Variants in WDR11 observed in about 807,000 individuals in gnomAD.
WDR11 encodes WD repeat domain 11.
WDR11 carries 83 observed loss-of-function variants against 151.2 expected under a neutral mutation model. The observed-to-expected ratio is 0.55, with a 90% CI of 0.46 to 0.66. WDR11 has a LOEUF of 0.66. WDR11 is among the 30% of genes least tolerant of loss of function. WDR11 has a pLI of 0.00. For missense variants in WDR11, 1,301 were observed against 1,480.9 expected, an observed-to-expected ratio of 0.88 and a Z score of 1.99; for synonymous variants, 484 against 533.1, an observed-to-expected ratio of 0.91 and a Z score of 1.27.
chr10:120,905,138 G>A (rs1362032085), intron 25 of WDR11, among the ~76,000 whole-genome samples, 181 bp from the exon 26 acceptor site: 2 of 152,002 alleles, frequency 1.3e-5, no homozygotes, highest in Admixed American at 6.5e-5. Flanking sequence ...TTCCTACCCT[G>A]GTTACTTGAG....
chr10:120,895,347 A>C (rs1240317869), intron 19 of WDR11, among the ~76,000 whole-genome samples: 3 of 152,232 alleles, frequency 2.0e-5, no homozygotes, highest in South Asian at 2.1e-4. Context: ...ATTGTCGTCT[A>C]TGAAGGATGA....
chr10:120,856,800 T>C (rs1845963949), intron 2 of WDR11, among the ~76,000 whole-genome samples: 1 of 152,038 alleles, frequency 6.6e-6, no homozygotes, highest in African/African-American at 2.4e-5. Flanking sequence ...TATATACACA[T>C]ATACAAACAT....
chr10:120,881,129 A>T (rs568754908), intron 13 of WDR11, among the ~76,000 whole-genome samples: 1 of 152,276 alleles, frequency 6.6e-6, no homozygotes, highest in African/African-American at 2.4e-5. Flanking sequence ...ATGAATCGTT[A>T]TTTACTTTCG....
chr10:120,860,307 A>G, intron 4 of WDR11, 25 bp downstream of exon 4: 1 of 1,609,258 alleles, frequency 6.2e-7, no homozygotes, highest in Non-Finnish European at 8.5e-7. Context: ...CTTGTGGAAA[A>G]TGAGTTAAGT....
At chr10:120,878,510 C>T (rs1846884160) in intron 12 of WDR11, 51 bp downstream of exon 12, 1 of 1,434,322 alleles carries the variant, frequency 7.0e-7, no homozygotes, top group Non-Finnish European at 9.8e-7. Context: ...AAACATGTTG[C>T]CATTTATAAA....
chr10:120,852,275 C>G (rs563674675), intron 1 of WDR11: 1 of 448,628 alleles, frequency 2.2e-6, no homozygotes, highest in Non-Finnish European at 4.1e-6. Flanking sequence ...CTTTTTATGT[C>G]CTCGGGTCTC....
chr10:120,863,000 A>C (rs1246116423), intron 5 of WDR11, 79 bp downstream of exon 5: 1 of 943,960 alleles, frequency 1.1e-6, no homozygotes, highest in African/African-American at 1.7e-5. Context: ...ACAAAGACTG[A>C]TGTTTTTCTT....
At chr10:120,902,911 C>T (rs1038794801) in intron 22 of WDR11, 144 bp from the exon 23 acceptor site, 34 of 849,986 alleles carry the variant, frequency 4.0e-5, no homozygotes, top group Non-Finnish European at 6.0e-5. Flanking sequence ...AACTTGCTGC[C>T]TCCCCCTTTC....
Position 120,905,920 on chromosome 10 carries a change from G to C in WDR11, c.3336G>C (p.Trp1112Cys). ...PEECADVLRR[W>C]VDHLCSPQVN... ...AGTGTGCCGATGTTTTAAGGCGGTG[G>C]GTTGACCACCTTTGTTCTCCACAAG... Residue 1112 changes from tryptophan (W) to cysteine (C), a missense_variant, in exon 27 of 29, where the codon TGG becomes TGC. This residue lies in a region of WDR11 where 589 missense variants were observed against 670.6 expected (regional missense o/e 0.88). Transcript: ENST00000263461. The C allele has an allele frequency of 6.2e-7, 1 of 1,614,020 alleles. No homozygotes were observed. The highest frequency in any genetic ancestry group is 8.5e-7 in the Non-Finnish European group (1 of 1,180,016).
chr10:120,889,048 T>G (rs775785113), intron 16 of WDR11, 30 bp from the exon 17 acceptor site: 54 of 1,479,142 alleles, frequency 3.7e-5, no homozygotes, highest in Non-Finnish European at 2.2e-5. Flanking sequence ...ATAGTGAAAT[T>G]TATATTTGTT....
In WDR11 at chr10:120,876,193, C is replaced by T. The variant is rs562012212; in HGVS notation, c.1557-2160C>T. Among the ~76,000 whole-genome samples, 206 of 151,418 alleles carry T rather than the reference C, an allele frequency of 1.4e-3. 1 individual carries two copies. The highest frequency in any genetic ancestry group is 2.3e-3 in the African/African-American group (93 of 41,330). The stretch of plus-strand genomic sequence containing the variant: ...CAAGATTTCACCATGTTGGTCAGGC[C>T]GGTCTTGAATTCCTGACCTCAGATG... On this transcript the variant is annotated intron_variant, in intron 11 of 28. Transcript: ENST00000263461.
At chr10:120,881,646 T>G (rs1018117864) in intron 13 of WDR11, among the ~76,000 whole-genome samples, 5 of 152,176 alleles carry the variant, frequency 3.3e-5, no homozygotes, top group Admixed American at 6.5e-5. Context: ...AAATGACATT[T>G]TTAAATTTCA....
At chr10:120,864,511 C>T (rs1221656768) in intron 5 of WDR11, among the ~76,000 whole-genome samples, 1 of 152,012 alleles carries the variant, frequency 6.6e-6, no homozygotes, top group African/African-American at 2.4e-5. Context: ...GAAAATGCTG[C>T]AATATAAGTG....
intron 7 of WDR11, among the ~76,000 whole-genome samples, chr10:120,866,313 A>G (rs577028124): frequency 3.6e-4 from 54 of 152,070 alleles, no homozygotes; most frequent in Non-Finnish European, 6.8e-4. Context: ...TTTTCAAAGT[A>G]TCGTCTTTAT....
rs537653732 is a variant in WDR11 at position 120,888,491 on chromosome 10, G to A, written c.2122-587G>A. On this transcript the variant is annotated intron_variant, in intron 16 of 28. Coordinates refer to ENST00000263461, the MANE Select transcript of WDR11 (RefSeq NM_018117.12). ...CCTCCAAGTTAGATTGACTACAGCA[G>A]CATTTCATTCTTATGTTGTGCTTCT... is the stretch of plus-strand genomic sequence containing the variant. 2.1e-3 allele frequency among the ~76,000 whole-genome samples: 327 copies of A among 152,302 alleles called. 1 individual carries two copies. The highest frequency in any genetic ancestry group is 7.0e-3 in the African/African-American group (292 of 41,558).
intron 18 of WDR11, 52 bp from the exon 19 acceptor site, chr10:120,890,664 A>G: frequency 6.2e-7 from 1 of 1,608,648 alleles, no homozygotes; most frequent in Non-Finnish European, 8.5e-7. Context: ...ATCTAGAATA[A>G]TAAAGATCTT....
rs1020473693 is a variant in WDR11, at chr10:120,866,913, G to T, written c.1190+149G>T. 2.2e-5 allele frequency: 24 copies of T among 1,085,748 alleles called. No individual in the cohort carries two copies. In the African/African-American group the frequency reaches 3.7e-4, roughly 17 times the overall value. 67.3% of individuals were successfully genotyped at this position (1,085,748 alleles called of 1,614,324 possible). On this transcript the variant is annotated intron_variant, in intron 8 of 28. Coordinates refer to ENST00000263461, the MANE Select transcript of WDR11 (RefSeq NM_018117.12). ...AGGCTTTAGATTATTAGGGAATTAT[G>T]TAAATCTGCTAGAGCTATTTCACCT...
intron 19 of WDR11, among the ~76,000 whole-genome samples, chr10:120,894,424 G>A (rs867828584): frequency 3.2e-4 from 49 of 152,148 alleles, no homozygotes; most frequent in Admixed American, 5.9e-4. Flanking sequence ...ATGACTTGCC[G>A]ATGTGGGGAG....
intron 22 of WDR11, among the ~76,000 whole-genome samples, 160 bp downstream of exon 22, chr10:120,902,482 G>A (rs940496936): frequency 1.3e-5 from 2 of 151,998 alleles, no homozygotes; most frequent in African/African-American, 4.8e-5. Context: ...TAACAAATAG[G>A]GAAAAATCAA....
Sources: allele counts gnomAD v4.1 joint callset (sites outside exome capture counted in the v4.1 genomes callset), GRCh38; gene constraint gnomAD v4.1.1; regional missense constraint gnomAD v4.1.1; transcripts MANE v1.5; gene names NCBI Gene and HGNC (gene_info 2026-07-23, HGNC 2026-07-21).